SAMMSON: variants seen among roughly 807,000 people sequenced by gnomAD.
The protein encoded by SAMMSON is survival associated mitochondrial melanoma specific oncogenic non-coding RNA.
chr3:70,295,754 T>G (rs1702284153), intron 7 of SAMMSON, among the ~76,000 whole-genome samples: 1 of 152,182 alleles, frequency 6.6e-6, no homozygotes, highest in Non-Finnish European at 1.5e-5. Flanking sequence ...GTGCTGTATC[T>G]TTTGATCTGT....
At chr3:70,374,329 A>T (rs1478253259) in intron 9 of SAMMSON, among the ~76,000 whole-genome samples, 3 of 152,194 alleles carry the variant, frequency 2.0e-5, no homozygotes, top group Admixed American at 2.0e-4. Context: ...TCTTGGTATG[A>T]TGAGTGATTT....
chr3:70,041,181 C>G (rs2067105048), intron 3 of SAMMSON, among the ~76,000 whole-genome samples: 1 of 152,070 alleles, frequency 6.6e-6, no homozygotes, highest in Admixed American at 6.6e-5. Flanking sequence ...CCAAAGTGTC[C>G]AGTGTAAAAA....
chr3:70,048,762 G>A lies in SAMMSON; in HGVS notation n.418-22714G>A, dbSNP rs1319142572. Among the ~76,000 whole-genome samples the A allele has an allele frequency of 6.6e-5, 10 of 152,114 alleles. No homozygotes were observed. In the South Asian group the frequency reaches 1.7e-3, roughly 25 times the overall value. ...CTATGTCTGCATTATATTATTTAATGCAGATCACAGCCCTGTAGTGTGAAT... is the reference window on the plus strand; with the variant it reads ...CTATGTCTGCATTATATTATTTAATACAGATCACAGCCCTGTAGTGTGAAT... On this transcript the variant is annotated intron_variant and non_coding_transcript_variant, in intron 3 of 9. Transcript: ENST00000642114.
At chr3:70,284,346 A>G (rs1296839939) in intron 6 of SAMMSON, among the ~76,000 whole-genome samples, 3 of 152,192 alleles carry the variant, frequency 2.0e-5, no homozygotes, top group Non-Finnish European at 4.4e-5. Flanking sequence ...GTAAACTAAT[A>G]AAGTTTGCAT....
chr3:70,022,230 GC>G (rs2067016495), intron 3 of SAMMSON, among the ~76,000 whole-genome samples: 1 of 138,788 alleles, frequency 7.2e-6, no homozygotes, highest in African/African-American at 2.7e-5. Context: ...ATTCCAACTG[GC>G]CCCCCAAATG....
intron 6 of SAMMSON, among the ~76,000 whole-genome samples, chr3:70,264,132 A>T (rs906080562): frequency 6.6e-6 from 1 of 152,228 alleles, no homozygotes; most frequent in South Asian, 2.1e-4. Flanking sequence ...TACAAAATAT[A>T]TATGTTTAAA....
intron 2 of SAMMSON, among the ~76,000 whole-genome samples, chr3:70,396,158 CTCTTATTTTCTCCA>C (rs1701091602): frequency 6.6e-6 from 1 of 152,112 alleles, no homozygotes; most frequent in Non-Finnish European, 1.5e-5. Context: ...TAAATGATGA[CTCTTATTTTCTCCA>C]TATATGAAAG....
chr3:70,013,891 T>A (rs1484907167), intron 3 of SAMMSON: 1 of 152,076 alleles, frequency 6.6e-6, no homozygotes, highest in Non-Finnish European at 1.5e-5. Flanking sequence ...TGTGGCTAGA[T>A]CCAACGGCTC....
At chr3:70,424,115 A>G (rs147116163) in intron 2 of SAMMSON, among the ~76,000 whole-genome samples, 100 of 152,350 alleles carry the variant, frequency 6.6e-4, no homozygotes, top group African/African-American at 2.3e-3. Context: ...AATGATGTCA[A>G]TATTCAAAAC....
chr3:70,339,482 G>T (rs1187979841), intron 7 of SAMMSON, among the ~76,000 whole-genome samples: 1 of 152,100 alleles, frequency 6.6e-6, no homozygotes, highest in African/African-American at 2.4e-5. Context: ...CAGAATGGGA[G>T]AATATTTTTA....
intron 7 of SAMMSON, among the ~76,000 whole-genome samples, chr3:70,324,481 C>T (rs1702564164): frequency 6.6e-6 from 1 of 152,122 alleles, no homozygotes; most frequent in Non-Finnish European, 1.5e-5. Context: ...AAATCATCCC[C>T]TCCCCCTGCA....
intron 8 of SAMMSON, among the ~76,000 whole-genome samples, chr3:70,356,293 C>T (rs1172566409): frequency 1.3e-5 from 2 of 151,998 alleles, no homozygotes; most frequent in Admixed American, 1.3e-4. Flanking sequence ...ACCTATTACC[C>T]CAAATCCAGC....
rs377533686 is a variant in SAMMSON, at chr3:70,363,778, T to C, written n.913+5454T>C. ...TTTATCTTTTTTTAAAGCTGTTTTT[T>C]ACAGTTGTGTTATTGCATTGTCTGT... On this transcript the variant is annotated intron_variant and non_coding_transcript_variant, in intron 9 of 9. Coordinates refer to ENST00000642114, the Ensembl canonical transcript of SAMMSON. Among the ~76,000 whole-genome samples, 3 of 149,044 alleles carry C rather than the reference T, an allele frequency of 2.0e-5. No homozygotes were observed. In the East Asian group the frequency reaches 6.0e-4, roughly 30 times the overall value.
chr3:70,307,006 A>C (rs1702408217), intron 7 of SAMMSON, among the ~76,000 whole-genome samples: 1 of 152,112 alleles, frequency 6.6e-6, no homozygotes, highest in Admixed American at 6.6e-5. Flanking sequence ...GAGAGAGACA[A>C]ATAGAGAGAT....
intron 4 of SAMMSON, among the ~76,000 whole-genome samples, chr3:70,169,834 T>C (rs1397340642): frequency 6.6e-6 from 1 of 151,788 alleles, no homozygotes; most frequent in Non-Finnish European, 1.5e-5. Context: ...CTGTTGTTAG[T>C]TTATAGGCCC....
chr3:70,300,623 A>T (rs952863138), intron 7 of SAMMSON, among the ~76,000 whole-genome samples: 1 of 152,092 alleles, frequency 6.6e-6, no homozygotes, highest in Admixed American at 6.6e-5. Context: ...TCTCTAAAAT[A>T]AAAAGAACTA....
intron 4 of SAMMSON, among the ~76,000 whole-genome samples, chr3:70,074,255 A>G (rs949436108): frequency 3.3e-5 from 5 of 152,112 alleles, no homozygotes; most frequent in African/African-American, 1.2e-4. Flanking sequence ...TTTAGATAAG[A>G]TACTAGAGCC....
chr3:70,388,884 A>G (rs1393197285), intron 9 of SAMMSON, among the ~76,000 whole-genome samples: 1 of 152,030 alleles, frequency 6.6e-6, no homozygotes, highest in Non-Finnish European at 1.5e-5. Flanking sequence ...CTAATGTGGC[A>G]GTGTTGGGAG....
At chr3:70,270,010 A>G (rs1055095393) in intron 6 of SAMMSON, among the ~76,000 whole-genome samples, 2 of 152,360 alleles carry the variant, frequency 1.3e-5, no homozygotes, top group South Asian at 4.1e-4. Flanking sequence ...AAACAACTGG[A>G]CAAGAGTACA....
Sources: gnomAD v4.1 joint callset for allele counts (sites outside exome capture counted in the v4.1 genomes callset) on GRCh38, gnomAD v4.1.1 for gene constraint, MANE v1.5 for transcripts, NCBI Gene and HGNC (gene_info 2026-07-23, HGNC 2026-07-21) for gene names.